The following SULT1A2 variants were observed in gnomAD, a reference collection of about 807,000 sequenced individuals.
The protein encoded by SULT1A2 is sulfotransferase family 1A member 2.
SULT1A2 carries 33 observed loss-of-function variants against 36.0 expected under a neutral mutation model. The observed-to-expected ratio is 0.92, with a 90% CI of 0.69 to 1.22. The LOEUF is 1.22. Ranked by LOEUF, SULT1A2 falls within the 50% of genes most tolerant of loss-of-function variation. The pLI, the probability that SULT1A2 is intolerant of heterozygous loss-of-function variation, is 0.00. For synonymous variants in SULT1A2, 138 were observed against 144.5 expected, an observed-to-expected ratio of 0.96 and a Z score of 0.32; for missense variants, 367 against 383.2, an observed-to-expected ratio of 0.96 and a Z score of 0.35.
At chr16:28,593,650 A>T in intron 4 of SULT1A2, 82 bp from the exon 5 acceptor site, 1 of 1,592,188 alleles carries the variant, frequency 6.3e-7, no homozygotes, top group Non-Finnish European at 8.6e-7. Context: ...TTGGCAAAGG[A>T]GGAAGCTGAG....
chr16:28,592,261 A>G lies in SULT1A2; in HGVS notation c.775+2T>C. On this transcript the variant is annotated splice_donor_variant, in intron 7 of 7. Coordinates refer to ENST00000335715, the MANE Select transcript of SULT1A2 (RefSeq NM_001054.4). LOFTEE classifies it high-confidence loss of function. ...CAAACCCCCGTGCTGGCCGGCACCTACCTTTCCTCATGAAGGGGGAGATGC... is the reference window on the plus strand; with the variant it reads ...CAAACCCCCGTGCTGGCCGGCACCTGCCTTTCCTCATGAAGGGGGAGATGC... 1 of 1,613,868 alleles carries G rather than the reference A, an allele frequency of 6.2e-7. No homozygotes were observed. Among genetic ancestry groups the G allele is most frequent in the Non-Finnish European group, 8.5e-7 (1 of 1,179,822 alleles).
At position 28,593,268 on chromosome 16, in the gene SULT1A2, T is replaced by C; in HGVS notation, c.578A>G (p.Tyr193Cys). ...SRTHPVLYLF[Y>C]EDMKENPKRE... Reference sequence around the variant, plus strand: ...CGGTCTCACCTCCTTCATGTCTTCATAGAAGAGGTAGAGAACAGGGTGGGT... The same window carrying C: ...CGGTCTCACCTCCTTCATGTCTTCACAGAAGAGGTAGAGAACAGGGTGGGT... Residue 193 changes from tyrosine to cysteine, a missense_variant, in exon 6 of 8, where the codon TAT (tyrosine) becomes TGT (cysteine). By Grantham distance (194) the Tyr-to-Cys change is radical. Coordinates refer to ENST00000335715, the MANE Select transcript of SULT1A2 (RefSeq NM_001054.4). 6.2e-7 allele frequency: 1 copy of C among 1,613,878 alleles called. No individual in the cohort carries two copies. Among genetic ancestry groups the C allele is most frequent in the South Asian group, 1.1e-5 (1 of 91,058 alleles).
At chr16:28,595,296 C>A in intron 4 of SULT1A2, 71 bp downstream of exon 4, 1 of 1,586,934 alleles carries the variant, frequency 6.3e-7, no homozygotes, top group South Asian at 1.1e-5. Context: ...CTTCTGGCTT[C>A]AAGGGATCTT....
intron 1 of SULT1A2, chr16:28,596,411 G>T: frequency 1.0e-6 from 1 of 998,448 alleles, no homozygotes; most frequent in Admixed American, 4.7e-5. Flanking sequence ...CTCACATGTG[G>T]CAACTCCTAG....
chr16:28,593,925 C>T (rs1191847438), intron 4 of SULT1A2, among the ~76,000 whole-genome samples: 1 of 152,030 alleles, frequency 6.6e-6, no homozygotes, highest in Non-Finnish European at 1.5e-5. Context: ...TGTTTTTGGT[C>T]ATCAGAGCAA....
intron 4 of SULT1A2, among the ~76,000 whole-genome samples, chr16:28,594,201 A>C (rs1000239720): frequency 8.0e-5 from 12 of 149,928 alleles, no homozygotes; most frequent in Admixed American, 2.7e-4. Flanking sequence ...AGTGCACTGG[A>C]GTGAGAATAG....
intron 1 of SULT1A2, chr16:28,596,301 C>G: frequency 8.5e-7 from 1 of 1,177,032 alleles, no homozygotes; most frequent in Non-Finnish European, 1.1e-6. Context: ...TGTCTTCCTG[C>G]CAGCCAGCGC....
Position 28,593,487 on chromosome 16 carries a change from G to A in SULT1A2, c.454C>T (p.Pro152Ser), listed in dbSNP as rs2047021884. ...TCCAGGAAGCTTTCCCAGGTCCCAG[G>A]GTGAGGGTACACTTTGGCCATGTGG... is the stretch of plus-strand genomic sequence containing the variant. ...FYHMAKVYPH[P>S]GTWESFLEKF... Residue 152 changes from proline (P) to serine (S), a missense_variant, in exon 5 of 8, where the codon CCT becomes TCT. Pro to Ser is a moderately conservative substitution (Grantham distance 74, BLOSUM62 -1). Transcript: ENST00000335715. The A allele has an allele frequency of 6.2e-7, 1 of 1,613,984 alleles. No individual in the cohort carries two copies. The highest frequency in any genetic ancestry group is 8.5e-7 in the Non-Finnish European group (1 of 1,180,050).
chr16:28,593,517 AGTG>A lies in SULT1A2; in HGVS notation c.421_423del (p.His141del), dbSNP rs764426042. ...GGGTACACTTTGGCCATGTGGTAGAAGTGGTAGTAGGAAACCGCCACATCCTTT... is the reference window on the plus strand; with the variant it reads ...GGGTACACTTTGGCCATGTGGTAGAAGTAGTAGGAAACCGCCACATCCTTT... On this transcript the variant is annotated inframe_deletion, in exon 5 of 8. Transcript: ENST00000335715. 7 of 1,614,048 alleles carry A rather than the reference AGTG, an allele frequency of 4.3e-6. No individual in the cohort carries two copies. The African/African-American group carries it at 9.3e-5, about 22-fold the overall frequency.
intron 4 of SULT1A2, among the ~76,000 whole-genome samples, chr16:28,594,770 CTTTTTTTT>C (rs1033591115): frequency 1.3e-4 from 7 of 53,844 alleles, no homozygotes; most frequent in African/African-American, 3.5e-4. Flanking sequence ...CCACCTGCCG[CTTTTTTTT>C]TTTTTTTTTT....
chr16:28,595,663 A>G lies in SULT1A2; in HGVS notation c.161T>C (p.Val54Ala), dbSNP rs912695157. Reference protein sequence around the residue: ...STYPKSGTTWVSQILDMIYQG... With the variant: ...STYPKSGTTWASQILDMIYQG... ...GTAGATCATGTCCAGAATCTGGCTCACCCAGGTGGTGCCTGGAGAGGGAGG... is the reference window on the plus strand; with the variant it reads ...GTAGATCATGTCCAGAATCTGGCTCGCCCAGGTGGTGCCTGGAGAGGGAGG... Residue 54 changes from valine to alanine, a missense_variant, in exon 3 of 8, where the codon GTG becomes GCG. By Grantham distance (64) the Val-to-Ala change is moderately conservative (BLOSUM62 0). Transcript: ENST00000335715. 4.3e-6 allele frequency: 7 copies of G among 1,613,988 alleles called. No individual in the cohort carries two copies. Among genetic ancestry groups the G allele is most frequent in the Non-Finnish European group, 5.9e-6 (7 of 1,180,006 alleles).
chr16:28,593,526 A>G lies in SULT1A2; in HGVS notation c.415T>C (p.Tyr139His), dbSNP rs752799322. The part of the protein sequence containing the change: ...ARNAKDVAVS[Y>H]YHFYHMAKVY... ...TTGGCCATGTGGTAGAAGTGGTAGT[A>G]GGAAACCGCCACATCCTTTGCGTTG... The change falls in exon 5 of 8, where the codon TAC (tyrosine) becomes CAC (histidine). Residue 139 changes from tyrosine (Y) to histidine (H), a missense_variant. Transcript: ENST00000335715. 4 of 1,614,172 alleles carry G rather than the reference A, an allele frequency of 2.5e-6. No homozygotes were observed. The highest frequency in any genetic ancestry group is 3.3e-5 in the Admixed American group (2 of 60,018).
intron 4 of SULT1A2, 106 bp downstream of exon 4, chr16:28,595,261 T>C (rs2047044711): frequency 6.8e-7 from 1 of 1,476,652 alleles, no homozygotes; most frequent in Non-Finnish European, 9.2e-7. Flanking sequence ...GCTAAGTTTT[T>C]TTTTTGGAAG....
intron 4 of SULT1A2, among the ~76,000 whole-genome samples, chr16:28,593,823 G>A (rs1334767219): frequency 6.6e-6 from 1 of 152,202 alleles, no homozygotes; most frequent in Non-Finnish European, 1.5e-5. Context: ...AGCAAGGCAT[G>A]CTCCACCAGG....
In SULT1A2 at chr16:28,595,939, G is replaced by C. The variant is rs553158141; in HGVS notation, c.-4-5C>G. ...TCCTGGATCAGCTCCATGTTCCTGCGTCAGGGGCCAGAGCCAGGCCCGTTC... is the reference window on the plus strand; with the variant it reads ...TCCTGGATCAGCTCCATGTTCCTGCCTCAGGGGCCAGAGCCAGGCCCGTTC... On this transcript the variant is annotated splice_polypyrimidine_tract_variant and splice_region_variant and intron_variant, in intron 1 of 7. Transcript: ENST00000335715. 1 of 1,602,538 alleles carries C rather than the reference G, an allele frequency of 6.2e-7. No individual in the cohort carries two copies. The highest frequency in any genetic ancestry group is 2.2e-5 in the East Asian group (1 of 44,854).
At chr16:28,596,364 C>T in intron 1 of SULT1A2, 1 of 1,122,472 alleles carries the variant, frequency 8.9e-7, no homozygotes, top group South Asian at 2.0e-5. Flanking sequence ...CAGTAGGCTC[C>T]TCTCCCCGAT....
In SULT1A2 at chr16:28,592,293, C is replaced by T. The variant is rs573309376; in HGVS notation, c.745G>A (p.Asp249Asn). The change falls in exon 7 of 8, where the codon GAC (aspartate) becomes AAC (asparagine). Residue 249 changes from aspartate to asparagine, a missense_variant. Physicochemically the swap from Asp to Asn is conservative, Grantham distance 23. Coordinates refer to ENST00000335715, the MANE Select transcript of SULT1A2 (RefSeq NM_001054.4). ...NYTTVRREFM[D>N]HSISPFMRKG... Reference sequence around the variant, plus strand: ...CTCATGAAGGGGGAGATGCTGTGGTCCATGAACTCCCGGCGGACGGTGGTG... The same window carrying T: ...CTCATGAAGGGGGAGATGCTGTGGTTCATGAACTCCCGGCGGACGGTGGTG... 72 of 1,613,950 alleles carry T rather than the reference C, an allele frequency of 4.5e-5. No homozygotes were observed. In the South Asian group the frequency reaches 7.5e-4, roughly 17 times the overall value.
intron 1 of SULT1A2, chr16:28,596,529 G>T: frequency 2.4e-6 from 1 of 422,896 alleles, no homozygotes; most frequent in Non-Finnish European, 3.6e-6. Context: ...CCTGATGTGG[G>T]AATGAGCAAA....
At chr16:28,593,660 G>A in intron 4 of SULT1A2, 92 bp from the exon 5 acceptor site, 2 of 1,577,112 alleles carry the variant, frequency 1.3e-6, no homozygotes, top group Non-Finnish European at 1.7e-6. Flanking sequence ...AGGAAGCTGA[G>A]GCTTAGAGGC....
Sources: gnomAD v4.1 joint callset for allele counts (sites outside exome capture counted in the v4.1 genomes callset) on GRCh38, gnomAD v4.1.1 for gene constraint, MANE v1.5 for transcripts, NCBI Gene and HGNC (gene_info 2026-07-23, HGNC 2026-07-21) for gene names.